The following ROBO1 variants were observed in gnomAD, a reference collection of about 807,000 sequenced individuals.
The protein encoded by ROBO1 is roundabout homolog 1.
In ROBO1, 149 loss-of-function variants were observed where a neutral mutation model predicts 195.9. That is an observed-to-expected ratio of 0.76 (90% CI 0.67 to 0.87). ROBO1 has a LOEUF of 0.87. Among genes scored for constraint, ROBO1 ranks in the 40% least tolerant of loss-of-function variants. ROBO1 has a pLI of 0.00. For missense variants in ROBO1, 1,933 were observed against 2,068.3 expected, an observed-to-expected ratio of 0.93 and a Z score of 1.27; for synonymous variants, 816 against 733.2, an observed-to-expected ratio of 1.11 and a Z score of -1.82.
chr3:78,887,953 G>GA (rs978907938), intron 4 of ROBO1, among the ~76,000 whole-genome samples: 131 of 151,566 alleles, frequency 8.6e-4, no homozygotes, highest in Non-Finnish European at 1.4e-3. Context: ...CAAAAAAAAA[G>GA]AAAAAAAACC....
chr3:79,281,952 AC>A (rs1310348183), intron 2 of ROBO1, among the ~76,000 whole-genome samples: 1 of 152,190 alleles, frequency 6.6e-6, no homozygotes, highest in Non-Finnish European at 1.5e-5. Flanking sequence ...TCGTTTGTTC[AC>A]CCATTATTTA....
intron 2 of ROBO1, among the ~76,000 whole-genome samples, chr3:79,445,055 A>G (rs2039192863): frequency 6.6e-6 from 1 of 151,992 alleles, no homozygotes; most frequent in South Asian, 2.1e-4. Flanking sequence ...TTGTTTTTTT[A>G]AACATTAGTT....
Position 79,479,093 on chromosome 3 carries a change from A to C in ROBO1, c.88+110731T>G, listed in dbSNP as rs141892233. Reference sequence around the variant, plus strand: ...ATTCCCCTTTTTAGCATAGGCTCTAAGCAGAACTTAATAAACAATTATTGC... The same window carrying C: ...ATTCCCCTTTTTAGCATAGGCTCTACGCAGAACTTAATAAACAATTATTGC... On this transcript the variant is annotated intron_variant, in intron 2 of 30. Coordinates refer to ENST00000464233, the MANE Select transcript of ROBO1 (RefSeq NM_002941.4). 3.9e-5 allele frequency among the ~76,000 whole-genome samples: 6 copies of C among 152,318 alleles called. No individual in the cohort carries two copies. The East Asian group carries it at 1.2e-3, about 29-fold the overall frequency.
chr3:79,084,413 G>A (rs1456701696), intron 3 of ROBO1, among the ~76,000 whole-genome samples: 1 of 152,126 alleles, frequency 6.6e-6, no homozygotes, highest in Non-Finnish European at 1.5e-5. Context: ...CAGGAGAATA[G>A]CATGAACCCA....
At chr3:79,759,845 G>A (rs1413026847) in intron 1 of ROBO1, among the ~76,000 whole-genome samples, 1 of 152,088 alleles carries the variant, frequency 6.6e-6, no homozygotes, top group Non-Finnish European at 1.5e-5. Flanking sequence ...GGCAGTGCTA[G>A]CCCACCCACA....
intron 2 of ROBO1, among the ~76,000 whole-genome samples, chr3:79,539,288 T>G (rs75315712): frequency 0.019 from 2,843 of 152,204 alleles, 109 homozygotes; most frequent in African/African-American, 0.064. Flanking sequence ...CTTCCTGCCC[T>G]TTAGGGTAGA....
intron 2 of ROBO1, among the ~76,000 whole-genome samples, chr3:79,354,822 C>T (rs1157058392): frequency 3.3e-5 from 5 of 152,060 alleles, no homozygotes; most frequent in African/African-American, 1.2e-4. Context: ...AATAATAACA[C>T]GTCAAGCCTA....
At chr3:78,983,434 C>T (rs935230637) in intron 3 of ROBO1, among the ~76,000 whole-genome samples, 3 of 152,208 alleles carry the variant, frequency 2.0e-5, no homozygotes, top group African/African-American at 7.2e-5. Context: ...AAAGAACCCT[C>T]GAAGACGTTT....
At chr3:78,601,934 C>G (rs1277815744) in intron 29 of ROBO1, among the ~76,000 whole-genome samples, 1 of 151,960 alleles carries the variant, frequency 6.6e-6, no homozygotes, top group Non-Finnish European at 1.5e-5. Context: ...CACAGATATG[C>G]TGATGCTCTA....
At chr3:79,585,094 A>G (rs1317318273) in intron 2 of ROBO1, among the ~76,000 whole-genome samples, 1 of 147,434 alleles carries the variant, frequency 6.8e-6, no homozygotes, top group African/African-American at 2.7e-5. Flanking sequence ...GGCATAAGTC[A>G]TGTTGATATC....
chr3:78,808,405 AT>A (rs2084618459), intron 4 of ROBO1, among the ~76,000 whole-genome samples: 11 of 151,988 alleles, frequency 7.2e-5, no homozygotes, highest in Admixed American at 7.2e-4. Context: ...GGGTTTCACC[AT>A]GTTGATCAGG....
At chr3:78,797,699 G>A (rs1015961435) in intron 4 of ROBO1, among the ~76,000 whole-genome samples, 13 of 152,018 alleles carry the variant, frequency 8.6e-5, no homozygotes, top group African/African-American at 3.1e-4. Context: ...GTAATTTTTG[G>A]TATAATGAAA....
At chr3:78,708,346 A>G (rs934814016) in intron 8 of ROBO1, among the ~76,000 whole-genome samples, 1 of 152,152 alleles carries the variant, frequency 6.6e-6, no homozygotes, top group African/African-American at 2.4e-5. Context: ...TAAATAATTT[A>G]TAAATTTTAT....
At chr3:79,058,118 G>A (rs2078846466) in intron 3 of ROBO1, among the ~76,000 whole-genome samples, 1 of 151,870 alleles carries the variant, frequency 6.6e-6, no homozygotes, top group South Asian at 2.1e-4. Context: ...TATAAACCTG[G>A]GGAAAACCAT....
chr3:79,461,729 G>T (rs549675037), intron 2 of ROBO1, among the ~76,000 whole-genome samples: 92 of 152,200 alleles, frequency 6.0e-4, no homozygotes, highest in African/African-American at 2.1e-3. Context: ...GAAAACAGAG[G>T]ATCTTAGAAC....
At chr3:79,158,385 T>G (rs2080895442) in intron 2 of ROBO1, among the ~76,000 whole-genome samples, 1 of 151,556 alleles carries the variant, frequency 6.6e-6, no homozygotes, top group South Asian at 2.1e-4. Flanking sequence ...GTCTCAAATA[T>G]TTTTCTAATT....
chr3:78,938,865 C>T lies in ROBO1; in HGVS notation c.235G>A (p.Val79Ile). ...RIVEHPSDLI[V>I]SKGEPATLNC... ...AAAGTTGCAGGTTCTCCTTTTGAGA[C>T]AATCAGGTCTGAAGGGTGTTCAACA... The change falls in exon 4 of 31, where the codon GTC (valine) becomes ATC (isoleucine). Residue 79 changes from valine (V) to isoleucine (I), a missense_variant. Around this residue, in one of 3 missense-constraint regions of ROBO1, gnomAD observed 185 missense variants for 159.5 expected, o/e 1.16. Coordinates refer to ENST00000464233, the MANE Select transcript of ROBO1 (RefSeq NM_002941.4). The T allele has an allele frequency of 6.2e-7, 1 of 1,614,006 alleles. No individual in the cohort carries two copies. Among genetic ancestry groups the T allele is most frequent in the Non-Finnish European group, 8.5e-7 (1 of 1,179,894 alleles).
chr3:79,623,787 A>G (rs1231641967), intron 1 of ROBO1, among the ~76,000 whole-genome samples: 1 of 152,228 alleles, frequency 6.6e-6, no homozygotes, highest in African/African-American at 2.4e-5. Context: ...GATATAATCC[A>G]GGAGAACTTT....
chr3:79,381,384 AAAAGAAAAGAAAAG>A, intron 2 of ROBO1, among the ~76,000 whole-genome samples: 3 of 80,060 alleles, frequency 3.7e-5, no homozygotes, highest in Non-Finnish European at 2.5e-5. Flanking sequence ...AAAAGAAAAG[AAAAGAAAAGAAAAG>A]AAAAGAAATG....
Sources: gnomAD v4.1 joint callset for allele counts (sites outside exome capture counted in the v4.1 genomes callset) on GRCh38, gnomAD v4.1.1 for gene constraint, gnomAD v4.1.1 regional missense constraint, MANE v1.5 for transcripts, NCBI Gene and HGNC (gene_info 2026-07-23, HGNC 2026-07-21) for gene names.